Variants in PRPF18 observed in about 807,000 individuals in gnomAD.
PRPF18 encodes the protein pre-mRNA-splicing factor 18.
Under a neutral mutation model 46.5 loss-of-function variants are expected in PRPF18, and 38 were observed. That is an observed-to-expected ratio of 0.82 (90% CI 0.63 to 1.07). The LOEUF is 1.07. Among genes scored for constraint, PRPF18 ranks in the 50% least tolerant of loss-of-function variants. The probability of loss-of-function intolerance (pLI) is 0.00; values close to 1 mark genes in which losing one functional copy is unlikely to be tolerated. For missense variants in PRPF18, 263 were observed against 410.0 expected (o/e 0.64, Z 3.10); for synonymous variants, 152 against 146.7 (o/e 1.04, Z -0.26).
chr10:13,610,557 C>T (rs1201655726), intron 5 of PRPF18, among the ~76,000 whole-genome samples: 1 of 152,122 alleles, frequency 6.6e-6, no homozygotes, highest in Non-Finnish European at 1.5e-5. Context: ...TAAGAGCTAT[C>T]CTTGATGCTC....
At chr10:13,599,316 C>T (rs1195692767) in intron 2 of PRPF18, among the ~76,000 whole-genome samples, 1 of 152,158 alleles carries the variant, frequency 6.6e-6, no homozygotes, top group Admixed American at 6.5e-5. Context: ...TAAACTTGAA[C>T]TGTAAGCTAT....
chr10:13,616,454 C>T lies in PRPF18; in HGVS notation c.849C>T (p.Val283=). 1 of 1,613,264 alleles carries T rather than the reference C, an allele frequency of 6.2e-7. No individual in the cohort carries two copies. The highest frequency in any genetic ancestry group is 8.5e-7 in the Non-Finnish European group (1 of 1,179,230). The change falls in exon 9 of 10, where the codon GTC becomes GTT. Residue 283 remains valine, a synonymous_variant. Transcript: ENST00000378572. Reference sequence around the variant, plus strand: ...GAAATGCGCCTTGGCCCATCGGTGTCACTATGGTTGGTATCCATGCCAGAA... The same window carrying T: ...GAAATGCGCCTTGGCCCATCGGTGTTACTATGGTTGGTATCCATGCCAGAA... The part of the protein sequence containing the change: ...AIGNAPWPIG[V]TMVGIHARTG...
intron 6 of PRPF18, among the ~76,000 whole-genome samples, chr10:13,612,100 G>A (rs768572107): frequency 2.7e-4 from 41 of 152,100 alleles, no homozygotes; most frequent in Non-Finnish European, 3.8e-4. Context: ...CGCTGATCTT[G>A]AACTCCTGAC....
At chr10:13,654,264 A>AG in the PRPF18 span, 5 of 665,004 alleles carry the variant, frequency 7.5e-6, no homozygotes, top group Non-Finnish European at 1.4e-5. Flanking sequence ...CAGAGGTGAC[A>AG]GCAGATCATG....
At chr10:13,614,608 C>T (rs142533516) in intron 8 of PRPF18, among the ~76,000 whole-genome samples, 304 of 152,332 alleles carry the variant, frequency 2.0e-3, no homozygotes, top group South Asian at 0.012. Flanking sequence ...CCCATTTCAG[C>T]GTTGCAGACC....
At chr10:13,624,785 C>G (rs1436439455) in intron 9 of PRPF18, among the ~76,000 whole-genome samples, 1 of 152,208 alleles carries the variant, frequency 6.6e-6, no homozygotes, top group Non-Finnish European at 1.5e-5. Flanking sequence ...CTTAAGTGTT[C>G]CTTCAGTGAA....
At chr10:13,592,625 G>A (rs1000247509) in intron 1 of PRPF18, among the ~76,000 whole-genome samples, 10 of 152,178 alleles carry the variant, frequency 6.6e-5, no homozygotes, top group African/African-American at 2.2e-4. Context: ...CCTGCCTGGT[G>A]TAACCACCCT....
At chr10:13,607,897 T>C (rs1254265985) in intron 4 of PRPF18, among the ~76,000 whole-genome samples, 2 of 152,220 alleles carry the variant, frequency 1.3e-5, no homozygotes, top group Non-Finnish European at 2.9e-5. Context: ...CCATGGGCTC[T>C]TGAAAAGAGT....
intron 1 of PRPF18, among the ~76,000 whole-genome samples, chr10:13,589,724 G>T (rs373480029): frequency 3.9e-5 from 6 of 152,314 alleles, no homozygotes; most frequent in East Asian, 1.9e-4. Context: ...TAGATATTTG[G>T]ATGTTGTGTA....
intron 3 of PRPF18, among the ~76,000 whole-genome samples, chr10:13,601,081 G>A (rs958197027): frequency 2.0e-5 from 3 of 151,918 alleles, no homozygotes; most frequent in East Asian, 1.9e-4. Flanking sequence ...GCGCCTGGCC[G>A]CACCGTAATA....
At chr10:13,592,285 C>G (rs768750706) in intron 1 of PRPF18, 4 of 451,422 alleles carry the variant, frequency 8.9e-6, no homozygotes, top group African/African-American at 2.1e-5. Flanking sequence ...TGGGTTTCTT[C>G]TCTTTAGTAT....
At chr10:13,627,413 A>G (rs561419062) in intron 9 of PRPF18, among the ~76,000 whole-genome samples, 2 of 152,356 alleles carry the variant, frequency 1.3e-5, no homozygotes, top group African/African-American at 2.4e-5. Context: ...TTATATAAAT[A>G]AAAAGCCAAT....
chr10:13,653,709 G>A, the PRPF18 span: 1 of 152,482 alleles, frequency 6.6e-6, no homozygotes, highest in Non-Finnish European at 1.5e-5. Flanking sequence ...CATCTACTTA[G>A]AGATGATGTC....
the PRPF18 span, chr10:13,644,465 C>T: frequency 6.6e-6 from 1 of 152,230 alleles, no homozygotes; most frequent in African/African-American, 2.4e-5. Flanking sequence ...TAATCTCTGT[C>T]TTGACTACCA....
At position 13,622,728 on chromosome 10, in the gene PRPF18, T is replaced by C. The variant is rs10466311; in HGVS notation, c.948+6175T>C. 9.2e-3 allele frequency among the ~76,000 whole-genome samples: 1,402 copies of C among 152,314 alleles called. 19 individuals are homozygous for C. Among genetic ancestry groups the C allele is most frequent in the African/African-American group, 0.03 (1,264 of 41,554 alleles). ...CTGTTTTCTTTAGTTTTTTGATAAG[T>C]CCTCCAGATACTGAAGTTTTTGTAT... is the stretch of plus-strand genomic sequence containing the variant. On this transcript the variant is annotated intron_variant, in intron 9 of 9. Coordinates refer to ENST00000378572, the MANE Select transcript of PRPF18 (RefSeq NM_003675.4).
At chr10:13,641,254 A>G in the PRPF18 span, 60 of 152,408 alleles carry the variant, frequency 3.9e-4, no homozygotes, top group Middle Eastern at 6.8e-3. Flanking sequence ...GAAAGCTTGG[A>G]TGATTCCCAG....
the PRPF18 span, chr10:13,639,272 A>T: frequency 6.6e-6 from 1 of 152,180 alleles, no homozygotes; most frequent in African/African-American, 2.4e-5. Flanking sequence ...ATTCTGAATC[A>T]CTCAATTTAT....
chr10:13,591,834 G>C, intron 1 of PRPF18: 2 of 1,440,418 alleles, frequency 1.4e-6, no homozygotes, highest in Admixed American at 3.6e-5. Flanking sequence ...GCTTCAGGAA[G>C]ACCGCCCTCT....
intron 5 of PRPF18, 87 bp downstream of exon 5, chr10:13,610,272 C>G (rs1482644026): frequency 1.4e-6 from 2 of 1,403,368 alleles, no homozygotes; most frequent in East Asian, 4.6e-5. Flanking sequence ...TTGTTGAGGG[C>G]AGAGCACACT....
Sources: allele counts gnomAD v4.1 joint callset (sites outside exome capture counted in the v4.1 genomes callset), GRCh38; gene constraint gnomAD v4.1.1; transcripts MANE v1.5; gene names NCBI Gene and HGNC (gene_info 2026-07-23, HGNC 2026-07-21).